PLPP5: variants seen among roughly 807,000 people sequenced by gnomAD.
The protein encoded by PLPP5 is diacylglycerol pyrophosphate like 1.
In PLPP5, 29 loss-of-function variants were observed where a neutral mutation model predicts 23.6. That is an observed-to-expected ratio of 1.23 (90% CI 0.92 to 1.68). PLPP5 has a LOEUF of 1.68. Ranked by LOEUF, PLPP5 falls within the 40% of genes most tolerant of loss-of-function variation. The probability of loss-of-function intolerance (pLI) is 0.00; values close to 1 mark genes in which losing one functional copy is unlikely to be tolerated. For missense variants in PLPP5, 315 were observed against 332.1 expected, an observed-to-expected ratio of 0.95 and a Z score of 0.40; for synonymous variants, 143 against 131.3, an observed-to-expected ratio of 1.09 and a Z score of -0.61.
Position 38,269,196 on chromosome 8 carries a change from C to T in PLPP5, c.4G>A (p.Gly2Arg). 3 of 1,500,478 alleles carry T rather than the reference C, an allele frequency of 2.0e-6. No individual in the cohort carries two copies. The highest frequency in any genetic ancestry group is 2.6e-6 in the Non-Finnish European group (3 of 1,132,754). 92.9% of individuals were successfully genotyped at this position (1,500,478 alleles called of 1,614,324 possible). Residue 2 changes from glycine (G) to arginine (R), a missense_variant, in exon 1 of 7, where the codon GGG (glycine) becomes AGG (arginine). By Grantham distance (125) the Gly-to-Arg change is moderately radical. Transcript: ENST00000424479. Reference protein sequence around the residue: MGKAAAAVAFGA... With the variant: MRKAAAAVAFGA... ...AAGGCCACCGCCGCCGCCGCCTTCC[C>T]CATCCGGCCGCGAGCTCCGAGCGAC...
At chr8:38,268,306 G>A (rs757752128) in intron 3 of PLPP5, 65 bp downstream of exon 3, 16 of 1,409,996 alleles carry the variant, frequency 1.1e-5, no homozygotes, top group Non-Finnish European at 1.6e-5. Flanking sequence ...CACCGTGGCT[G>A]AATCCCACAA....
rs1193237126 is a variant in PLPP5, at chr8:38,268,597, G to GGCAGCGCCACCAGTGAACA, written c.184-155_184-137dup. On this transcript the variant is annotated intron_variant, in intron 2 of 6. Transcript: ENST00000424479. ...TCTGAGTGCGCGTAACCGGGCGCCA[G>GGCAGCGCCACCAGTGAACA]GCAGCGCCACCAGTGAACAGCAGCG... The GGCAGCGCCACCAGTGAACA allele has an allele frequency of 4.8e-6, 7 of 1,454,644 alleles. No homozygotes were observed. The African/African-American group carries it at 9.9e-5, about 21-fold the overall frequency. 90.1% of individuals were successfully genotyped at this position (1,454,644 alleles called of 1,614,324 possible). A position where few individuals can be genotyped will look rare whatever the true frequency, so the allele number is the denominator to read the frequency against.
Position 38,263,310 on chromosome 8 carries a change from G to T in PLPP5, c.*1134C>A. ...GTTCCTTATATTCCATTGTGAAGAA[G>T]GGGCAGAAAAAGATTCATCTGTCCT... On this transcript the variant is annotated 3_prime_UTR_variant, in exon 7 of 7. Transcript: ENST00000424479. The T allele has an allele frequency of 1.2e-6, 1 of 842,060 alleles. No homozygotes were observed. Among genetic ancestry groups the T allele is most frequent in the Non-Finnish European group, 1.4e-6 (1 of 699,222 alleles). 52.2% of individuals were successfully genotyped at this position (842,060 alleles called of 1,614,324 possible). A position where few individuals can be genotyped will look rare whatever the true frequency, so the allele number is the denominator to read the frequency against.
intron 1 of PLPP5, 45 bp from the exon 2 acceptor site, chr8:38,269,035 CCCCGCTTCCCCACTGCCCGA>C (rs1431883498): frequency 1.7e-5 from 26 of 1,533,134 alleles, no homozygotes; most frequent in Non-Finnish European, 2.2e-5. Flanking sequence ...CTGGCTTCCT[CCCCGCTTCCCCACTGCCCGA>C]CCCGCCGCCC....
At chr8:38,264,905 C>T in intron 6 of PLPP5, 3 of 1,612,782 alleles carry the variant, frequency 1.9e-6, no homozygotes, top group Non-Finnish European at 2.5e-6. Flanking sequence ...TAACAAAGGT[C>T]CACTTATTGC....
At chr8:38,267,418 G>A (rs778340920) in intron 4 of PLPP5, 27 bp from the exon 5 acceptor site, 16 of 1,605,440 alleles carry the variant, frequency 1.0e-5, no homozygotes, top group Non-Finnish European at 1.4e-5. Context: ...TGGTTGGAAC[G>A]TAAATCATTA....
chr8:38,267,430 C>T, intron 4 of PLPP5, 39 bp from the exon 5 acceptor site: 6 of 1,600,840 alleles, frequency 3.7e-6, no homozygotes, highest in Non-Finnish European at 4.3e-6. Context: ...AAATCATTAA[C>T]TCCAGAAATT....
At chr8:38,268,699 C>T in intron 2 of PLPP5, 183 bp downstream of exon 2, 2 of 1,432,174 alleles carry the variant, frequency 1.4e-6, no homozygotes, top group South Asian at 1.5e-5. Context: ...CCCAAAGAGG[C>T]TCGGACACCC....
At position 38,267,409 on chromosome 8, in the gene PLPP5, G is replaced by A. The variant is rs752218348; in HGVS notation, c.339-18C>T. 3 of 1,609,430 alleles carry A rather than the reference G, an allele frequency of 1.9e-6. No homozygotes were observed. The highest frequency in any genetic ancestry group is 2.5e-6 in the Non-Finnish European group (3 of 1,177,424). ...GGCGTGGCCTGGAAGAAAGCAGCAT[G>A]GTTGGAACGTAAATCATTAACTCCA... On this transcript the variant is annotated intron_variant, in intron 4 of 6. Coordinates refer to ENST00000424479, the MANE Select transcript of PLPP5 (RefSeq NM_001102559.2).
Position 38,269,105 on chromosome 8 carries a change from C to T in PLPP5, c.74+21G>A, listed in dbSNP as rs942641439. ...GCCTGGGAAGCGGGGCCGCCCGGGC[C>T]CGGCCGTGGATCTTTCTTACAGGAA... On this transcript the variant is annotated intron_variant, in intron 1 of 6. Coordinates refer to ENST00000424479, the MANE Select transcript of PLPP5 (RefSeq NM_001102559.2). 39 of 1,526,116 alleles carry T rather than the reference C, an allele frequency of 2.6e-5. No homozygotes were observed. In the African/African-American group the frequency reaches 4.9e-4, roughly 19 times the overall value. The allele number at this position is 1,526,116 out of a possible 1,614,324, so 94.5% of individuals were successfully genotyped here.
Position 38,267,901 on chromosome 8 carries a change from CT to C in PLPP5, c.333del (p.Arg113GlyfsTer15). 2 of 1,614,002 alleles carry C rather than the reference CT, an allele frequency of 1.2e-6. No homozygotes were observed. Among genetic ancestry groups the C allele is most frequent in the Non-Finnish European group, 1.7e-6 (2 of 1,179,882 alleles). On this transcript the variant is annotated frameshift_variant, in exon 4 of 7. Transcript: ENST00000424479. LOFTEE classifies it high-confidence loss of function. Reference sequence around the variant, plus strand: ...TGGTTAGCTGTTGTCACTTACCTCCCTACGATCAGTTTTATTGTGTTGGTAA... The same window carrying C: ...TGGTTAGCTGTTGTCACTTACCTCCCACGATCAGTTTTATTGTGTTGGTAA... ...GVFTNTIKLI[V>X]GRPRPDFFYR...
Position 38,268,680 on chromosome 8 carries a change from T to C in PLPP5, c.183+202A>G, listed in dbSNP as rs981721678. ...GAGGCACAGAGCGCCCGGGAAAACGTTGTCTCAGCCCAAAGAGGCTCGGAC... is the reference window on the plus strand; with the variant it reads ...GAGGCACAGAGCGCCCGGGAAAACGCTGTCTCAGCCCAAAGAGGCTCGGAC... On this transcript the variant is annotated intron_variant, in intron 2 of 6. Transcript: ENST00000424479. The C allele has an allele frequency of 9.1e-6, 13 of 1,431,854 alleles. No homozygotes were observed. In the African/African-American group the frequency reaches 1.9e-4, roughly 21 times the overall value. 88.7% of individuals were successfully genotyped at this position (1,431,854 alleles called of 1,614,324 possible).
At chr8:38,268,704 A>G in intron 2 of PLPP5, 178 bp downstream of exon 2, 1 of 1,432,534 alleles carries the variant, frequency 7.0e-7, no homozygotes. Flanking sequence ...AGAGGCTCGG[A>G]CACCCTCCTC....
intron 6 of PLPP5, chr8:38,264,962 A>G (rs1424327146): frequency 6.3e-7 from 1 of 1,584,590 alleles, no homozygotes. Flanking sequence ...AGAGGAAGGA[A>G]TAAAGTATTT....
Position 38,263,462 on chromosome 8 carries a change from G to A in PLPP5, c.*982C>T, listed in dbSNP as rs1807194929. ...ACAAGTACAGTTATGGTCAAATGAG[G>A]TAGAAACAGTCATCTGTTAGTAGTG... On this transcript the variant is annotated 3_prime_UTR_variant, in exon 7 of 7. Transcript: ENST00000424479. 2 of 985,246 alleles carry A rather than the reference G, an allele frequency of 2.0e-6. No homozygotes were observed. The highest frequency in any genetic ancestry group is 2.4e-6 in the Non-Finnish European group (2 of 829,754). 61.0% of individuals were successfully genotyped at this position (985,246 alleles called of 1,614,324 possible).
At position 38,269,126 on chromosome 8, in the gene PLPP5, A is replaced by T; in HGVS notation, c.74T>A (p.Leu25Gln). ...GVRLALFAAF[L>Q]VTELLPPFQR... ...GGGCCCGGCCGTGGATCTTTCTTAC[A>T]GGAAGGCCGCGAACAGCGCGAGCCG... The change falls in exon 1 of 7, where the codon CTG (leucine) becomes CAG (glutamine). Residue 25 changes from leucine to glutamine, a missense_variant and splice_region_variant. Transcript: ENST00000424479. 1 of 1,523,176 alleles carries T rather than the reference A, an allele frequency of 6.6e-7. No individual in the cohort carries two copies. The highest frequency in any genetic ancestry group is 8.8e-7 in the Non-Finnish European group (1 of 1,141,510). 94.4% of individuals were successfully genotyped at this position (1,523,176 alleles called of 1,614,324 possible).
Position 38,268,373 on chromosome 8 carries a change from A to G in PLPP5, c.272T>C (p.Leu91Pro). The G allele has an allele frequency of 1.3e-6, 2 of 1,566,040 alleles. No individual in the cohort carries two copies. Among genetic ancestry groups the G allele is most frequent in the Admixed American group, 1.9e-5 (1 of 52,648 alleles). ...GGCCCGAAAGGGCTAGCGCTCACCC[A>G]GGCAGGCTTGTCTGCTGTCTCTTGT... ...ADTRDSRQACLAASLALALNG... is the reference protein window; with the variant it reads ...ADTRDSRQACPAASLALALNG... The change falls in exon 3 of 7, where the codon CTG (leucine) becomes CCG (proline). Residue 91 changes from leucine (L) to proline (P), a missense_variant and splice_region_variant. Transcript: ENST00000424479.
chr8:38,264,047 C>T lies in PLPP5; in HGVS notation c.*397G>A. On this transcript the variant is annotated 3_prime_UTR_variant, in exon 7 of 7. Transcript: ENST00000424479. ...AGGCAGAATACAGTGTGGCTTATGT[C>T]CTCACTTGCACCTTGGAAGGGGAAA... The T allele has an allele frequency of 1.0e-6, 1 of 988,842 alleles. No individual in the cohort carries two copies. The highest frequency in any genetic ancestry group is 1.2e-6 in the Non-Finnish European group (1 of 832,304). The allele number at this position is 988,842 out of a possible 1,614,324, so 61.3% of individuals were successfully genotyped here.
rs1807232819 is a variant in PLPP5, at chr8:38,263,973, G to GT, written c.*470dup. The stretch of plus-strand genomic sequence containing the variant: ...TGGCATACAGTAGTGGAAAAGAACC[G>GT]TAACTCCTCAAGATAGATGAGCAGG... On this transcript the variant is annotated 3_prime_UTR_variant, in exon 7 of 7. Transcript: ENST00000424479. The GT allele has an allele frequency of 1.0e-6, 1 of 985,480 alleles. No homozygotes were observed. Among genetic ancestry groups the GT allele is most frequent in the Admixed American group, 6.1e-5 (1 of 16,272 alleles). 61.0% of individuals were successfully genotyped at this position (985,480 alleles called of 1,614,324 possible).
Sources: allele counts gnomAD v4.1 joint callset, GRCh38; gene constraint gnomAD v4.1.1; transcripts MANE v1.5; gene names NCBI Gene and HGNC (gene_info 2026-07-23, HGNC 2026-07-21).